SNTG1: variants seen among roughly 807,000 people sequenced by gnomAD.
SNTG1 encodes the protein syntrophin gamma 1.
Under a neutral mutation model 74.7 loss-of-function variants are expected in SNTG1, and 39 were observed. The ratio of observed to expected loss-of-function variants is 0.52; its 90% CI spans 0.40 to 0.68. The LOEUF (loss-of-function observed/expected upper bound fraction) is 0.68. Ranked by LOEUF, SNTG1 falls within the 30% of genes least tolerant of loss-of-function variation. The probability of loss-of-function intolerance (pLI) is 0.00; values close to 1 mark genes in which losing one functional copy is unlikely to be tolerated. For missense variants in SNTG1, 685 were observed against 609.5 expected (o/e 1.12, Z -1.30); for synonymous variants, 254 against 217.1 (o/e 1.17, Z -1.49).
chr8:50,124,991 A>T (rs111961612), intron 1 of SNTG1, among the ~76,000 whole-genome samples: 1 of 142,042 alleles, frequency 7.0e-6, no homozygotes, highest in African/African-American at 2.5e-5. Context: ...AAATGTTACT[A>T]TAAGATAGTT....
chr8:50,311,002 A>C (rs1404167069), intron 2 of SNTG1, among the ~76,000 whole-genome samples: 2 of 152,254 alleles, frequency 1.3e-5, no homozygotes, highest in African/African-American at 4.8e-5. Context: ...AAGATCACAC[A>C]GCTACTTAAG....
intron 2 of SNTG1, among the ~76,000 whole-genome samples, chr8:50,378,203 C>A (rs2092422123): frequency 2.0e-5 from 3 of 152,206 alleles, no homozygotes; most frequent in African/African-American, 7.2e-5. Context: ...CAGGTGCTGG[C>A]ATGAGCAACA....
At chr8:50,285,949 T>A (rs1159943853) in intron 2 of SNTG1, among the ~76,000 whole-genome samples, 3 of 152,182 alleles carry the variant, frequency 2.0e-5, no homozygotes, top group Non-Finnish European at 4.4e-5. Flanking sequence ...CATGCTACTT[T>A]ATTTCTTTTT....
At chr8:49,992,076 T>C (rs1324667191) in intron 1 of SNTG1, among the ~76,000 whole-genome samples, 1 of 152,204 alleles carries the variant, frequency 6.6e-6, no homozygotes, top group African/African-American at 2.4e-5. Flanking sequence ...TGTCTTCCTT[T>C]GCGGGAACAG....
chr8:49,925,846 G>A (rs919384360), intron 1 of SNTG1, among the ~76,000 whole-genome samples: 2 of 152,100 alleles, frequency 1.3e-5, no homozygotes, highest in Non-Finnish European at 2.9e-5. Flanking sequence ...AGGACATTTA[G>A]GTTGCTTTCA....
intron 11 of SNTG1, among the ~76,000 whole-genome samples, chr8:50,547,023 T>A (rs753001196): frequency 6.6e-6 from 1 of 152,252 alleles, no homozygotes; most frequent in African/African-American, 2.4e-5. Context: ...TCTCAAGTGA[T>A]CCACCTGCTT....
rs868015628 is a variant in SNTG1, at chr8:50,421,046, C to T, written c.163-17497C>T. ...TTAAAAAAAAAAAAAAGGCGGTGGG[C>T]GGGGGAGGGGGGGGCGAAGATAAAG... On this transcript the variant is annotated intron_variant, in intron 4 of 18. Coordinates refer to ENST00000642720, the MANE Select transcript of SNTG1 (RefSeq NM_018967.5). Among the ~76,000 whole-genome samples the T allele has an allele frequency of 3.8e-3, 10 of 2,648 alleles. 1 individual carries two copies. Among genetic ancestry groups the T allele is most frequent in the South Asian group, 0.02 (1 of 50 alleles). 1.7% of individuals were successfully genotyped at this position (2,648 alleles called of 152,430 possible).
chr8:50,710,375 A>C (rs1359852379), intron 17 of SNTG1, among the ~76,000 whole-genome samples: 1 of 151,506 alleles, frequency 6.6e-6, no homozygotes, highest in Non-Finnish European at 1.5e-5. Context: ...TAGGCTCCTG[A>C]GTATTAAATT....
intron 18 of SNTG1, among the ~76,000 whole-genome samples, chr8:50,774,344 G>C (rs2095634622): frequency 6.6e-6 from 1 of 151,846 alleles, no homozygotes; most frequent in African/African-American, 2.4e-5. Context: ...AGAGAATCTT[G>C]AAAACAGCAA....
At position 50,190,541 on chromosome 8, in the gene SNTG1, C is replaced by T. The variant is rs561076768; in HGVS notation, c.-28+17906C>T. ...TGAGAAAAAAAGGTAATGAATTGGC[C>T]GTAACTAATTAGCATGCCATAAATC... On this transcript the variant is annotated intron_variant, in intron 2 of 18. Transcript: ENST00000642720. 3.9e-5 allele frequency among the ~76,000 whole-genome samples: 6 copies of T among 152,122 alleles called. No homozygotes were observed. In the East Asian group the frequency reaches 5.8e-4, roughly 15 times the overall value.
intron 1 of SNTG1, among the ~76,000 whole-genome samples, chr8:49,977,835 A>G (rs1054928286): frequency 1.3e-5 from 2 of 152,248 alleles, no homozygotes; most frequent in African/African-American, 4.8e-5. Context: ...GAAGGTCAGA[A>G]GACATGCAGA....
chr8:50,175,134 C>T (rs2082949660), intron 2 of SNTG1, among the ~76,000 whole-genome samples: 2 of 152,020 alleles, frequency 1.3e-5, no homozygotes, highest in Admixed American at 1.3e-4. Context: ...TGGGTTGGTT[C>T]CAAGTCGTTG....
rs2095437443 is a variant in SNTG1, at chr8:50,704,646, C to G, written c.1085C>G (p.Ser362Cys). 5.6e-6 allele frequency: 9 copies of G among 1,614,106 alleles called. No individual in the cohort carries two copies. The highest frequency in any genetic ancestry group is 7.6e-6 in the Non-Finnish European group (9 of 1,180,030). Reference sequence around the variant, plus strand: ...CGGAAACAGTGCTTCACCGTGCAGTCTGAGTCTGGGGAGGACCTGTACTTC... The same window carrying G: ...CGGAAACAGTGCTTCACCGTGCAGTGTGAGTCTGGGGAGGACCTGTACTTC... ...DRRKQCFTVQ[S>C]ESGEDLYFSV... The change falls in exon 16 of 19, where the codon TCT becomes TGT. Residue 362 changes from serine (S) to cysteine (C), a missense_variant. By Grantham distance (112) the Ser-to-Cys change is moderately radical. Transcript: ENST00000642720.
chr8:50,045,781 G>A (rs1050552011), intron 1 of SNTG1, among the ~76,000 whole-genome samples: 15 of 152,174 alleles, frequency 9.9e-5, no homozygotes, highest in African/African-American at 3.6e-4. Context: ...ATGTGATTCT[G>A]TTAGGATAAA....
intron 17 of SNTG1, among the ~76,000 whole-genome samples, chr8:50,731,615 G>C (rs1035826975): frequency 6.6e-6 from 1 of 152,010 alleles, no homozygotes; most frequent in African/African-American, 2.4e-5. Context: ...ACACTCTCCT[G>C]TCTGGGTCTA....
intron 8 of SNTG1, among the ~76,000 whole-genome samples, chr8:50,496,953 T>C (rs1462849939): frequency 6.7e-6 from 1 of 148,728 alleles, no homozygotes; most frequent in Non-Finnish European, 1.5e-5. Flanking sequence ...TCTGATATAA[T>C]ATGCATTTAA....
intron 13 of SNTG1, among the ~76,000 whole-genome samples, chr8:50,617,646 G>T (rs1000689160): frequency 1.3e-5 from 2 of 152,274 alleles, no homozygotes; most frequent in East Asian, 3.9e-4. Flanking sequence ...CGAGCTCCCC[G>T]AGTGAGCAAT....
intron 2 of SNTG1, among the ~76,000 whole-genome samples, chr8:50,385,122 G>A (rs142625037): frequency 4.6e-4 from 70 of 152,272 alleles, no homozygotes; most frequent in African/African-American, 1.4e-3. Flanking sequence ...GTCTGCCACT[G>A]CCACTTCACA....
At chr8:50,247,571 T>C (rs2086455613) in intron 2 of SNTG1, among the ~76,000 whole-genome samples, 1 of 152,206 alleles carries the variant, frequency 6.6e-6, no homozygotes. Flanking sequence ...AGTGGCATGA[T>C]CATAGTTTAA....
Sources: gnomAD v4.1 joint callset for allele counts (sites outside exome capture counted in the v4.1 genomes callset) on GRCh38, gnomAD v4.1.1 for gene constraint, MANE v1.5 for transcripts, NCBI Gene and HGNC (gene_info 2026-07-23, HGNC 2026-07-21) for gene names.